Variants in TRPS1 observed in about 807,000 individuals in gnomAD.
TRPS1 encodes zinc finger transcription factor Trps1.
Under a neutral mutation model 101.2 loss-of-function variants are expected in TRPS1, and 6 were observed. The ratio of observed to expected loss-of-function variants is 0.06; its 90% confidence interval spans 0.03 to 0.12. TRPS1 has a LOEUF of 0.12. Among genes scored for constraint, TRPS1 ranks in the 10% least tolerant of loss-of-function variants. The pLI, the probability that TRPS1 is intolerant of heterozygous loss-of-function variation, is 1.00. For missense variants in TRPS1, 1,363 were observed against 1,567.0 expected, an observed-to-expected ratio of 0.87 and a Z score of 2.20; for synonymous variants, 578 against 589.8, an observed-to-expected ratio of 0.98 and a Z score of 0.29.
chr8:115,503,564 T>C (rs1280804698), intron 5 of TRPS1, among the ~76,000 whole-genome samples: 2 of 152,140 alleles, frequency 1.3e-5, no homozygotes, highest in Non-Finnish European at 2.9e-5. Context: ...AATCTCCAAA[T>C]TGAATATACA....
chr8:115,556,874 C>T (rs1336579205), intron 5 of TRPS1, among the ~76,000 whole-genome samples: 3 of 152,232 alleles, frequency 2.0e-5, no homozygotes, highest in Admixed American at 6.5e-5. Flanking sequence ...GCAATTTAAA[C>T]GTCAGCCCAT....
At chr8:115,655,264 G>C (rs1367613312) in intron 1 of TRPS1, among the ~76,000 whole-genome samples, 3 of 152,186 alleles carry the variant, frequency 2.0e-5, no homozygotes, top group Non-Finnish European at 4.4e-5. Flanking sequence ...AGACTGACCA[G>C]CTGAAGAAAG....
intron 5 of TRPS1, among the ~76,000 whole-genome samples, chr8:115,533,444 T>TTTTTGGTTTG (rs1554583389): frequency 7.9e-6 from 1 of 126,536 alleles, no homozygotes; most frequent in African/African-American, 3.4e-5. Flanking sequence ...CTGTTTTTTT[T>TTTTTGGTTTG]TTTTTTTTTT....
intron 5 of TRPS1, chr8:115,515,375 A>C: frequency 1.6e-6 from 1 of 629,708 alleles, no homozygotes; most frequent in Non-Finnish European, 2.9e-6. Flanking sequence ...GATTACCCAA[A>C]CCTGTGCATT....
intron 1 of TRPS1, among the ~76,000 whole-genome samples, chr8:115,642,797 T>A (rs1023623809): frequency 1.3e-5 from 2 of 149,604 alleles, no homozygotes; most frequent in East Asian, 3.9e-4. Flanking sequence ...AAAAGACATA[T>A]TTGGTTAATG....
At chr8:115,441,307 T>G (rs1813587136) in intron 5 of TRPS1, among the ~76,000 whole-genome samples, 2 of 152,234 alleles carry the variant, frequency 1.3e-5, no homozygotes, top group African/African-American at 4.8e-5. Context: ...TTTTAGCACA[T>G]GGGTTTTTAA....
intron 5 of TRPS1, among the ~76,000 whole-genome samples, chr8:115,509,976 A>G (rs1815542094): frequency 6.6e-6 from 1 of 151,916 alleles, no homozygotes; most frequent in African/African-American, 2.4e-5. Flanking sequence ...TGCATGAAAC[A>G]TTTTTCTCAT....
intron 1 of TRPS1, among the ~76,000 whole-genome samples, chr8:115,649,410 G>A (rs981449161): frequency 6.6e-6 from 1 of 152,172 alleles, no homozygotes; most frequent in Non-Finnish European, 1.5e-5. Context: ...TCCTGACTCT[G>A]CTACTTGCTA....
chr8:115,629,010 T>G (rs1818576857), intron 1 of TRPS1, among the ~76,000 whole-genome samples: 1 of 151,854 alleles, frequency 6.6e-6, no homozygotes. Context: ...CCCAATCTCA[T>G]TTGGCTTTAT....
At chr8:115,438,370 T>G (rs1234644063) in intron 5 of TRPS1, among the ~76,000 whole-genome samples, 1 of 152,200 alleles carries the variant, frequency 6.6e-6, no homozygotes, top group Non-Finnish European at 1.5e-5. Context: ...GCTCAGCAAT[T>G]ATCAGGGAAG....
intron 5 of TRPS1, among the ~76,000 whole-genome samples, chr8:115,467,405 T>C (rs1030597351): frequency 6.6e-6 from 1 of 151,916 alleles, no homozygotes; most frequent in African/African-American, 2.4e-5. Context: ...AGGATGCTCT[T>C]TAAAGGAAGC....
rs556266014 is a variant in TRPS1, at chr8:115,512,339, A to G, written c.2700+74662T>C. On this transcript the variant is annotated intron_variant, in intron 5 of 6. Coordinates refer to ENST00000395715, the MANE Select transcript of TRPS1 (RefSeq NM_014112.5). Reference sequence around the variant, plus strand: ...AACTAGTTTGTTTTTAAAAAAGAAAATTTGCGGACTATAAATTCAAAGCTT... The same window carrying G: ...AACTAGTTTGTTTTTAAAAAAGAAAGTTTGCGGACTATAAATTCAAAGCTT... 8.6e-5 allele frequency among the ~76,000 whole-genome samples: 13 copies of G among 151,832 alleles called. No individual in the cohort carries two copies. The East Asian group carries it at 2.3e-3, about 27-fold the overall frequency.
At chr8:115,483,261 G>A (rs1037999681) in intron 5 of TRPS1, among the ~76,000 whole-genome samples, 5 of 152,044 alleles carry the variant, frequency 3.3e-5, no homozygotes, top group African/African-American at 7.2e-5. Flanking sequence ...GGCTGAGCAC[G>A]GTGTCTCATG....
chr8:115,667,739 G>T, intron 1 of TRPS1: 2 of 1,229,142 alleles, frequency 1.6e-6, no homozygotes, highest in Non-Finnish European at 1.1e-6. Context: ...GGGCCTTTAA[G>T]GGAAAAAAGT....
chr8:115,546,065 C>T (rs1481536491), intron 5 of TRPS1, among the ~76,000 whole-genome samples: 7 of 151,944 alleles, frequency 4.6e-5, no homozygotes, highest in Admixed American at 1.3e-4. Flanking sequence ...TCAAATTGTC[C>T]ACATTGTGAA....
intron 5 of TRPS1, among the ~76,000 whole-genome samples, chr8:115,470,475 C>T (rs1489306540): frequency 1.3e-5 from 2 of 151,870 alleles, no homozygotes; most frequent in African/African-American, 4.8e-5. Context: ...TTATTGTTGC[C>T]TTATTTGTGA....
intron 5 of TRPS1, among the ~76,000 whole-genome samples, chr8:115,521,898 TA>T (rs1298294449): frequency 6.6e-6 from 1 of 151,946 alleles, no homozygotes; most frequent in African/African-American, 2.4e-5. Flanking sequence ...AGATTACAAT[TA>T]TTTTTTAAAT....
chr8:115,510,951 T>C (rs887702194), intron 5 of TRPS1: 2 of 151,986 alleles, frequency 1.3e-5, no homozygotes, highest in African/African-American at 2.4e-5. Flanking sequence ...CACTAATTCA[T>C]GCGCTTGTCT....
chr8:115,623,529 T>A, intron 2 of TRPS1, 72 bp downstream of exon 2: 1 of 1,546,482 alleles, frequency 6.5e-7, no homozygotes. Flanking sequence ...AAATAACAGA[T>A]TGCACGATGT....
Sources: allele counts gnomAD v4.1 joint callset (sites outside exome capture counted in the v4.1 genomes callset), GRCh38; gene constraint gnomAD v4.1.1; transcripts MANE v1.5; gene names NCBI Gene and HGNC (gene_info 2026-07-23, HGNC 2026-07-21).